The following PIGU variants were observed in gnomAD, a reference collection of about 807,000 sequenced individuals.
PIGU encodes the protein phosphatidylinositol glycan anchor biosynthesis class U.
A neutral mutation model predicts 49.9 loss-of-function variants in PIGU; 24 were observed. That is an observed-to-expected ratio of 0.48 (90% CI 0.35 to 0.68). The LOEUF (loss-of-function observed/expected upper bound fraction) is 0.68, where lower values mean the gene tolerates loss of function less well. Ranked by LOEUF, PIGU falls within the 30% of genes least tolerant of loss-of-function variation. PIGU has a pLI of 0.01. For missense variants in PIGU, 490 were observed against 532.6 expected, an observed-to-expected ratio of 0.92 and a Z score of 0.79; for synonymous variants, 220 against 205.7, an observed-to-expected ratio of 1.07 and a Z score of -0.59.
At chr20:34,675,483 T>G (rs78680448) in intron 1 of PIGU, among the ~76,000 whole-genome samples, 2 of 152,234 alleles carry the variant, frequency 1.3e-5, no homozygotes, top group African/African-American at 4.8e-5. Flanking sequence ...CAGACATGAA[T>G]TATTACTATC....
chr20:34,572,315 T>A (rs914958834), intron 11 of PIGU, among the ~76,000 whole-genome samples: 31 of 152,148 alleles, frequency 2.0e-4, no homozygotes, highest in Admixed American at 9.8e-4. Flanking sequence ...ATTACAGGCA[T>A]GAGCCACCAG....
chr20:34,605,318 GAA>G (rs2146730911), intron 7 of PIGU, among the ~76,000 whole-genome samples: 1 of 152,256 alleles, frequency 6.6e-6, no homozygotes, highest in Admixed American at 6.5e-5. Flanking sequence ...AGGAAAGGAA[GAA>G]TAGTTTCACC....
chr20:34,637,019 A>G (rs1214806353), intron 5 of PIGU, among the ~76,000 whole-genome samples: 2 of 152,242 alleles, frequency 1.3e-5, no homozygotes, highest in Non-Finnish European at 2.9e-5. Flanking sequence ...TCTGAAATAC[A>G]TAGATTAGAA....
chr20:34,634,674 T>C lies in PIGU; in HGVS notation c.470A>G (p.Lys157Arg), dbSNP rs1985901737. ...NPYTILSCVA[K>R]STCAINNTLI... ...GGTGTTGTTGATGGCACAGGTAGACTTGGCAACACAAGACAAAATCGTGTA... is the reference window on the plus strand; with the variant it reads ...GGTGTTGTTGATGGCACAGGTAGACCTGGCAACACAAGACAAAATCGTGTA... Residue 157 changes from lysine to arginine, a missense_variant, in exon 6 of 12, where the codon AAG becomes AGG. Transcript: ENST00000217446. 1 of 1,613,098 alleles carries C rather than the reference T, an allele frequency of 6.2e-7. No individual in the cohort carries two copies.
Position 34,645,766 on chromosome 20 carries a change from G to A in PIGU, c.196-432C>T, listed in dbSNP as rs569780194. ...AAAAAAATTAGCCGGGCGTGGTGGC[G>A]GGCGCCTGTAGTCCCAACTACTAGG... On this transcript the variant is annotated intron_variant, in intron 2 of 11. Coordinates refer to ENST00000217446, the MANE Select transcript of PIGU (RefSeq NM_080476.5). 1.5e-3 allele frequency among the ~76,000 whole-genome samples: 221 copies of A among 152,056 alleles called. 1 individual carries two copies. The highest frequency in any genetic ancestry group is 2.1e-3 in the Non-Finnish European group (142 of 67,986).
At chr20:34,620,231 C>T (rs1375373570) in intron 6 of PIGU, among the ~76,000 whole-genome samples, 1 of 152,222 alleles carries the variant, frequency 6.6e-6, no homozygotes, top group Non-Finnish European at 1.5e-5. Flanking sequence ...TTTCACCTCT[C>T]ACCACTCTTC....
chr20:34,631,298 A>G (rs1985698328), intron 6 of PIGU, among the ~76,000 whole-genome samples: 1 of 152,106 alleles, frequency 6.6e-6, no homozygotes, highest in Non-Finnish European at 1.5e-5. Flanking sequence ...AAAACAATAG[A>G]AAATAAAATA....
At position 34,655,423 on chromosome 20, in the gene PIGU, G is replaced by A. The variant is rs576699101; in HGVS notation, c.195+1757C>T. Among the ~76,000 whole-genome samples the A allele has an allele frequency of 1.9e-4, 23 of 122,106 alleles. 6 individuals are homozygous for A. The highest frequency in any genetic ancestry group is 6.6e-4 in the African/African-American group (22 of 33,330). The allele number at this position is 122,106 out of a possible 152,430, so 80.1% of individuals were successfully genotyped here. The stretch of plus-strand genomic sequence containing the variant: ...GCGGTGGCTCACGCCTGTAATCCCA[G>A]CACTTTGGGAGGCCAAGGCAGGCGG... On this transcript the variant is annotated intron_variant, in intron 2 of 11. Transcript: ENST00000217446.
chr20:34,661,700 A>T (rs1986932020), intron 1 of PIGU, among the ~76,000 whole-genome samples: 1 of 152,164 alleles, frequency 6.6e-6, no homozygotes, highest in African/African-American at 2.4e-5. Context: ...TCTTTAGGGC[A>T]GAACAATTTC....
chr20:34,659,075 T>A (rs1600667550), intron 1 of PIGU, among the ~76,000 whole-genome samples: 1 of 105,094 alleles, frequency 9.5e-6, no homozygotes, highest in Non-Finnish European at 1.9e-5. Flanking sequence ...GGGAGGGAGG[T>A]GGGGGGGTCA....
chr20:34,597,818 A>G (rs1165376982), intron 7 of PIGU, among the ~76,000 whole-genome samples: 1 of 152,236 alleles, frequency 6.6e-6, no homozygotes, highest in Non-Finnish European at 1.5e-5. Context: ...TTTTCATTAC[A>G]GAATGTTGGG....
intron 9 of PIGU, among the ~76,000 whole-genome samples, chr20:34,584,504 C>CTTTTTTTTTTTTTTTTT (rs5841174): frequency 3.0e-5 from 2 of 66,406 alleles, no homozygotes; most frequent in African/African-American, 5.8e-5. Flanking sequence ...AACTCCTGTT[C>CTTTTTTTTTTTTTTTTT]TTTTTTTTTT....
chr20:34,631,752 TA>T (rs1985745434), intron 6 of PIGU, among the ~76,000 whole-genome samples: 3 of 3,596 alleles, frequency 8.3e-4, no homozygotes, highest in African/African-American at 3.1e-3. Context: ...TATATATATA[TA>T]TATATATATA....
At chr20:34,669,493 C>T (rs1023890487) in intron 1 of PIGU, among the ~76,000 whole-genome samples, 1 of 151,718 alleles carries the variant, frequency 6.6e-6, no homozygotes, top group Non-Finnish European at 1.5e-5. Context: ...ATGGTGAAAC[C>T]CTATCTCTAC....
In PIGU at chr20:34,575,120, G is replaced by A. The variant is rs758187909; in HGVS notation, c.1178C>T (p.Thr393Ile). The A allele has an allele frequency of 1.2e-6, 2 of 1,614,146 alleles. No homozygotes were observed. The highest frequency in any genetic ancestry group is 1.7e-6 in the Non-Finnish European group (2 of 1,180,022). The change falls in exon 11 of 12, where the codon ACC (threonine) becomes ATC (isoleucine). Residue 393 changes from threonine to isoleucine, a missense_variant. Coordinates refer to ENST00000217446, the MANE Select transcript of PIGU (RefSeq NM_080476.5). ...CCCTCTTACCTGCCCAACGTTGAAG[G>A]TCAGTGTGATGGCATAAAAGAAATT... The part of the protein sequence containing the change: ...NSNFFYAITL[T>I]FNVGQILLIS...
intron 7 of PIGU, among the ~76,000 whole-genome samples, chr20:34,606,637 C>T (rs544631066): frequency 6.6e-6 from 1 of 152,118 alleles, no homozygotes; most frequent in African/African-American, 2.4e-5. Context: ...GAGTTGATAA[C>T]GTGTATTTTG....
chr20:34,630,655 A>T (rs932730209), intron 6 of PIGU, among the ~76,000 whole-genome samples: 1 of 151,836 alleles, frequency 6.6e-6, no homozygotes. Context: ...ATTTTTTTTT[A>T]TTATTATTAT....
intron 8 of PIGU, among the ~76,000 whole-genome samples, chr20:34,587,950 T>C (rs868691541): frequency 6.6e-6 from 1 of 152,330 alleles, no homozygotes; most frequent in South Asian, 2.1e-4. Context: ...AATGCTGCAA[T>C]GAACATGGGA....
At chr20:34,584,917 A>C (rs1196282385) in intron 9 of PIGU, among the ~76,000 whole-genome samples, 2 of 152,094 alleles carry the variant, frequency 1.3e-5, no homozygotes, top group Non-Finnish European at 2.9e-5. Context: ...CCAACTCCTG[A>C]CCTCAGGTGA....
Sources: gnomAD v4.1 joint callset for allele counts (sites outside exome capture counted in the v4.1 genomes callset) on GRCh38, gnomAD v4.1.1 for gene constraint, MANE v1.5 for transcripts, NCBI Gene and HGNC (gene_info 2026-07-23, HGNC 2026-07-21) for gene names.